The following EXOC4 variants were observed in gnomAD, a reference collection of about 807,000 sequenced individuals.
The protein encoded by EXOC4 is exocyst complex component 4.
Under a neutral mutation model 107.2 loss-of-function variants are expected in EXOC4, and 71 were observed. That is an observed-to-expected ratio of 0.66 (90% CI 0.55 to 0.81). The LOEUF (loss-of-function observed/expected upper bound fraction) is 0.81. Ranked by LOEUF, EXOC4 falls within the 30% of genes least tolerant of loss-of-function variation. The probability of loss-of-function intolerance (pLI) is 0.00; values close to 1 mark genes in which losing one functional copy is unlikely to be tolerated. For synonymous variants in EXOC4, 456 were observed against 441.2 expected (o/e 1.03, Z -0.42); for missense variants, 1,108 against 1,189.6 (o/e 0.93, Z 1.01).
At chr7:133,784,153 T>C (rs115658531) in intron 10 of EXOC4, among the ~76,000 whole-genome samples, 1 of 152,286 alleles carries the variant, frequency 6.6e-6, no homozygotes, top group African/African-American at 2.4e-5. Context: ...CATATAGGCT[T>C]CTCTTTGCTC....
chr7:133,387,815 G>A (rs1796761438), intron 7 of EXOC4, among the ~76,000 whole-genome samples: 1 of 152,160 alleles, frequency 6.6e-6, no homozygotes, highest in Admixed American at 6.6e-5. Context: ...TGTTCAGTCT[G>A]AACACAAGTA....
chr7:133,666,601 C>T (rs1374740816), intron 10 of EXOC4, among the ~76,000 whole-genome samples: 3 of 152,168 alleles, frequency 2.0e-5, no homozygotes, highest in Non-Finnish European at 4.4e-5. Flanking sequence ...AGAACCATTA[C>T]TGTCAGCTTT....
At chr7:134,028,228 A>G (rs1393805565) in intron 17 of EXOC4, among the ~76,000 whole-genome samples, 3 of 152,190 alleles carry the variant, frequency 2.0e-5, no homozygotes, top group Non-Finnish European at 4.4e-5. Flanking sequence ...AACAAAAATT[A>G]CTATGTGATG....
chr7:133,845,959 A>G (rs1260631708), intron 11 of EXOC4, among the ~76,000 whole-genome samples: 1 of 152,152 alleles, frequency 6.6e-6, no homozygotes, highest in Non-Finnish European at 1.5e-5. Context: ...TTTATTTACT[A>G]TAATAAAACA....
At chr7:134,049,047 G>A (rs1795723125) in intron 17 of EXOC4, among the ~76,000 whole-genome samples, 1 of 152,126 alleles carries the variant, frequency 6.6e-6, no homozygotes, top group African/African-American at 2.4e-5. Context: ...CAGGGTGTAT[G>A]TAAACTGAAA....
chr7:133,823,357 C>A (rs977334391), intron 11 of EXOC4, among the ~76,000 whole-genome samples: 1 of 152,054 alleles, frequency 6.6e-6, no homozygotes, highest in Non-Finnish European at 1.5e-5. Flanking sequence ...CTAAAAATAC[C>A]ACTTCCCAGG....
At chr7:133,745,477 A>G (rs1487663655) in intron 10 of EXOC4, among the ~76,000 whole-genome samples, 1 of 152,120 alleles carries the variant, frequency 6.6e-6, no homozygotes, top group African/African-American at 2.4e-5. Flanking sequence ...TTTTGTACAC[A>G]GTGTTCTATA....
At chr7:133,785,500 G>A (rs1796549512) in intron 10 of EXOC4, among the ~76,000 whole-genome samples, 2 of 152,168 alleles carry the variant, frequency 1.3e-5, no homozygotes. Flanking sequence ...AGGAAGTGAG[G>A]TGACTTGGAC....
At chr7:133,483,373 T>C (rs1799199822) in intron 9 of EXOC4, among the ~76,000 whole-genome samples, 1 of 152,226 alleles carries the variant, frequency 6.6e-6, no homozygotes. Context: ...AATAGAAATA[T>C]TGCCCTTGAG....
chr7:133,853,397 C>CACACACA (rs1554409539), intron 11 of EXOC4, among the ~76,000 whole-genome samples: 1 of 121,814 alleles, frequency 8.2e-6, no homozygotes, highest in Admixed American at 8.2e-5. Flanking sequence ...CACACACACA[C>CACACACA]AACTTTTTAG....
At chr7:133,431,176 A>G (rs1797848129) in intron 7 of EXOC4, among the ~76,000 whole-genome samples, 1 of 152,136 alleles carries the variant, frequency 6.6e-6, no homozygotes, top group South Asian at 2.1e-4. Flanking sequence ...TCTTGAATTC[A>G]CTGTTCTTCC....
chr7:133,594,062 T>TGACCATTCTGAGTGTTATTG (rs1801608894), intron 9 of EXOC4, among the ~76,000 whole-genome samples: 1 of 152,220 alleles, frequency 6.6e-6, no homozygotes, highest in South Asian at 2.1e-4. Flanking sequence ...ATAGTCATAT[T>TGACCATTCTGAGTGTTATTG]GACCATTCTG....
At position 133,550,370 on chromosome 7, in the gene EXOC4, T is replaced by C. The variant is rs368675621; in HGVS notation, c.1417+70232T>C. ...CTGTTGTATTAAATATCAGGCCCTG[T>C]TTAGACTTGTTTTATTATACATTTG... On this transcript the variant is annotated intron_variant, in intron 9 of 17. Coordinates refer to ENST00000253861, the MANE Select transcript of EXOC4 (RefSeq NM_021807.4). Among the ~76,000 whole-genome samples the C allele has an allele frequency of 2.6e-5, 4 of 152,254 alleles. No individual in the cohort carries two copies. The East Asian group carries it at 7.7e-4, about 29-fold the overall frequency.
chr7:133,934,437 T>A (rs1800251610), intron 13 of EXOC4, among the ~76,000 whole-genome samples: 1 of 152,190 alleles, frequency 6.6e-6, no homozygotes, highest in South Asian at 2.1e-4. Flanking sequence ...TGAAGCAGTT[T>A]GTATTTTTCT....
At chr7:133,406,466 A>G (rs1797222854) in intron 7 of EXOC4, among the ~76,000 whole-genome samples, 1 of 152,084 alleles carries the variant, frequency 6.6e-6, no homozygotes, top group Non-Finnish European at 1.5e-5. Flanking sequence ...AACATTAAAA[A>G]CCTGGTTTTA....
chr7:133,550,791 ACC>A (rs751803149), intron 9 of EXOC4, among the ~76,000 whole-genome samples: 2 of 151,814 alleles, frequency 1.3e-5, no homozygotes, highest in South Asian at 2.1e-4. Context: ...CTGGACTACC[ACC>A]CCCATTTATT....
At chr7:133,693,191 A>G (rs1006347953) in intron 10 of EXOC4, among the ~76,000 whole-genome samples, 1 of 152,228 alleles carries the variant, frequency 6.6e-6, no homozygotes, top group Non-Finnish European at 1.5e-5. Context: ...GGAAGCCAAC[A>G]GTGCACCCTT....
chr7:133,963,093 A>C (rs1585282322), intron 14 of EXOC4, among the ~76,000 whole-genome samples: 1 of 152,372 alleles, frequency 6.6e-6, no homozygotes, highest in African/African-American at 2.4e-5. Context: ...GGAAGGGAGT[A>C]CCGCAGCCTG....
At chr7:133,415,759 GT>G (rs1158739714) in intron 7 of EXOC4, among the ~76,000 whole-genome samples, 44 of 152,228 alleles carry the variant, frequency 2.9e-4, no homozygotes, top group African/African-American at 1.0e-3. Flanking sequence ...ATACATAGCT[GT>G]TATATTATTT....
Sources: allele counts gnomAD v4.1 joint callset (sites outside exome capture counted in the v4.1 genomes callset), GRCh38; gene constraint gnomAD v4.1.1; transcripts MANE v1.5; gene names NCBI Gene and HGNC (gene_info 2026-07-23, HGNC 2026-07-21).